SEC22A: variants seen among roughly 807,000 people sequenced by gnomAD.
SEC22A encodes vesicle-trafficking protein SEC22a.
Under a neutral mutation model 35.3 loss-of-function variants are expected in SEC22A, and 22 were observed. The ratio of observed to expected loss-of-function variants is 0.62; its 90% CI spans 0.45 to 0.89. SEC22A has a LOEUF of 0.89. SEC22A is among the 40% of genes least tolerant of loss of function. The pLI, the probability that SEC22A is intolerant of heterozygous loss-of-function variation, is 0.00. For missense variants in SEC22A, 354 were observed against 362.5 expected (o/e 0.98, Z 0.19); for synonymous variants, 119 against 129.5 (o/e 0.92, Z 0.55).
At chr3:123,269,986 C>G (rs978589116) in intron 6 of SEC22A, among the ~76,000 whole-genome samples, 4 of 151,996 alleles carry the variant, frequency 2.6e-5, no homozygotes, top group African/African-American at 9.7e-5. Flanking sequence ...ATATACATGA[C>G]AATTAATGCA....
intron 4 of SEC22A, 70 bp downstream of exon 4, chr3:123,225,367 G>T: frequency 2.2e-6 from 2 of 912,876 alleles, no homozygotes; most frequent in South Asian, 1.9e-5. Context: ...TCTTGAAAAT[G>T]AATTACTTTA....
chr3:123,257,231 T>C (rs539498051), intron 5 of SEC22A, among the ~76,000 whole-genome samples: 2 of 152,340 alleles, frequency 1.3e-5, no homozygotes, highest in African/African-American at 4.8e-5. Context: ...AGTGAATGTT[T>C]CTGAGTACTT....
At chr3:123,266,880 T>G (rs1170378388) in intron 6 of SEC22A, among the ~76,000 whole-genome samples, 1 of 152,158 alleles carries the variant, frequency 6.6e-6, no homozygotes, top group African/African-American at 2.4e-5. Flanking sequence ...GGATTATAGA[T>G]TTTTCCATTT....
Position 123,235,248 on chromosome 3 carries a change from C to T in SEC22A, c.541+9951C>T, listed in dbSNP as rs184676946. Among the ~76,000 whole-genome samples, 130 of 151,982 alleles carry T rather than the reference C, an allele frequency of 8.6e-4. 1 individual carries two copies. Among genetic ancestry groups the T allele is most frequent in the Non-Finnish European group, 1.6e-3 (106 of 67,976 alleles). On this transcript the variant is annotated intron_variant, in intron 4 of 6. Transcript: ENST00000492595. ...ACTATTAAGAAAATGAAAAGGCAACCGACACAATGGGAGAAAATACTTGTA... is the reference window on the plus strand; with the variant it reads ...ACTATTAAGAAAATGAAAAGGCAACTGACACAATGGGAGAAAATACTTGTA...
chr3:123,255,718 A>C (rs1025781922), intron 5 of SEC22A, among the ~76,000 whole-genome samples: 3 of 152,138 alleles, frequency 2.0e-5, no homozygotes, highest in Non-Finnish European at 2.9e-5. Flanking sequence ...AAGTCTAAAA[A>C]TATGTAGGAG....
intron 4 of SEC22A, among the ~76,000 whole-genome samples, chr3:123,243,213 A>G (rs1264326074): frequency 1.1e-5 from 1 of 94,112 alleles, no homozygotes; most frequent in Non-Finnish European, 1.9e-5. Flanking sequence ...TGAGCAAATT[A>G]TTTAATGTCC....
At chr3:123,231,609 G>A (rs6784358) in intron 4 of SEC22A, among the ~76,000 whole-genome samples, 29,901 of 151,982 alleles carry the variant, frequency 0.2, 3,044 homozygotes, top group Middle Eastern at 0.28. Context: ...AGGGAAATGC[G>A]TACTTTGAGA....
intron 4 of SEC22A, among the ~76,000 whole-genome samples, chr3:123,245,270 CA>C (rs1408284454): frequency 2.0e-5 from 3 of 152,182 alleles, no homozygotes; most frequent in Non-Finnish European, 4.4e-5. Context: ...GTCACCTTTA[CA>C]AATACTTTCA....
At chr3:123,230,699 CAAA>C (rs376679473) in intron 4 of SEC22A, among the ~76,000 whole-genome samples, 3 of 47,402 alleles carry the variant, frequency 6.3e-5, no homozygotes, top group East Asian at 6.0e-4. Flanking sequence ...TCACTTCATG[CAAA>C]AAAAAAAAAA....
intron 4 of SEC22A, among the ~76,000 whole-genome samples, chr3:123,230,371 A>G (rs1046922634): frequency 1.3e-5 from 2 of 152,164 alleles, no homozygotes; most frequent in Non-Finnish European, 2.9e-5. Context: ...AGCCAGAAAG[A>G]TAAGATAAAT....
chr3:123,263,769 G>T (rs528911896), intron 6 of SEC22A, among the ~76,000 whole-genome samples: 20 of 152,084 alleles, frequency 1.3e-4, no homozygotes, highest in Admixed American at 2.6e-4. Context: ...CTCCCAAAGT[G>T]CTGGGATTAC....
intron 4 of SEC22A, among the ~76,000 whole-genome samples, chr3:123,239,655 G>A (rs567524394): frequency 2.0e-5 from 3 of 152,120 alleles, no homozygotes; most frequent in South Asian, 2.1e-4. Context: ...CATATCCTTC[G>A]CCCACTTTTT....
At chr3:123,241,044 T>C (rs1248088203) in intron 4 of SEC22A, among the ~76,000 whole-genome samples, 29 of 92,268 alleles carry the variant, frequency 3.1e-4, no homozygotes, top group South Asian at 2.4e-3. Flanking sequence ...CACACACACA[T>C]CCCCTTCATA....
In SEC22A at chr3:123,274,069, G is replaced by A. The variant is rs182367377; in HGVS notation, c.*2347G>A. ...TTTTTATTTTTTCACTGGCTATTTT[G>A]GATAAGAGGATGTTTACATCTTAAT... On this transcript the variant is annotated 3_prime_UTR_variant, in exon 7 of 7. Transcript: ENST00000492595. The A allele has an allele frequency of 6.6e-6, 1 of 151,994 alleles. No homozygotes were observed. The highest frequency in any genetic ancestry group is 1.9e-4 in the East Asian group (1 of 5,194). 9.4% of individuals were successfully genotyped at this position (151,994 alleles called of 1,614,324 possible). A position where few individuals can be genotyped will look rare whatever the true frequency, so the allele number is the denominator to read the frequency against.
Position 123,272,842 on chromosome 3 carries a change from C to T in SEC22A, c.*1120C>T, listed in dbSNP as rs1044211339. 6.5e-6 allele frequency: 1 copy of T among 153,760 alleles called. No individual in the cohort carries two copies. The highest frequency in any genetic ancestry group is 1.5e-5 in the Non-Finnish European group (1 of 68,020). 9.5% of individuals were successfully genotyped at this position (153,760 alleles called of 1,614,324 possible). Reference sequence around the variant, plus strand: ...GGCATGGGTCCGCACTATGGAAATGCTTGACTGTAGTAAGAATCAGAAGGT... The same window carrying T: ...GGCATGGGTCCGCACTATGGAAATGTTTGACTGTAGTAAGAATCAGAAGGT... On this transcript the variant is annotated 3_prime_UTR_variant, in exon 7 of 7. Coordinates refer to ENST00000492595, the MANE Select transcript of SEC22A (RefSeq NM_012430.5).
chr3:123,246,334 G>A (rs1049889871), intron 5 of SEC22A, among the ~76,000 whole-genome samples: 6 of 152,202 alleles, frequency 3.9e-5, no homozygotes, highest in African/African-American at 1.4e-4. Context: ...AATACACAGA[G>A]TTGGGAAGGG....
At chr3:123,225,355 ACT>A in intron 4 of SEC22A, 58 bp downstream of exon 4, 1 of 1,052,096 alleles carries the variant, frequency 9.5e-7, no homozygotes, top group Non-Finnish European at 1.4e-6. Flanking sequence ...AAACTGAGAA[ACT>A]CTTGAAAATG....
At chr3:123,253,028 CTTT>C (rs1004939295) in intron 5 of SEC22A, among the ~76,000 whole-genome samples, 2 of 152,100 alleles carry the variant, frequency 1.3e-5, no homozygotes, top group South Asian at 2.1e-4. Context: ...ACATGTATTT[CTTT>C]AAGGCTCAAC....
intron 4 of SEC22A, among the ~76,000 whole-genome samples, chr3:123,226,682 G>T (rs1213720283): frequency 1.3e-5 from 2 of 152,098 alleles, no homozygotes; most frequent in African/African-American, 4.8e-5. Flanking sequence ...TCTTCACTTT[G>T]TTGTTTCCTT....
Sources: gnomAD v4.1 joint callset for allele counts (sites outside exome capture counted in the v4.1 genomes callset) on GRCh38, gnomAD v4.1.1 for gene constraint, MANE v1.5 for transcripts, NCBI Gene and HGNC (gene_info 2026-07-23, HGNC 2026-07-21) for gene names.